PCDH11X: variants seen among roughly 807,000 people sequenced by gnomAD.
PCDH11X encodes protocadherin 11 X-linked.
Under a neutral mutation model 53.3 loss-of-function variants are expected in PCDH11X, and 18 were observed. The ratio of observed to expected loss-of-function variants is 0.34; its 90% CI spans 0.23 to 0.50. PCDH11X has a LOEUF of 0.50. PCDH11X is among the 20% of genes least tolerant of loss of function. The probability of loss-of-function intolerance (pLI) is 0.98; values close to 1 mark genes in which losing one functional copy is unlikely to be tolerated. For synonymous variants in PCDH11X, 279 were observed against 393.3 expected (o/e 0.71, Z 3.44); for missense variants, 570 against 1,032.4 (o/e 0.55, Z 6.14).
intron 7 of PCDH11X, among the ~76,000 whole-genome samples, chrX:92,253,444 A>G (rs2067499601): frequency 1.9e-5 from 2 of 105,242 alleles, no homozygotes; most frequent in Non-Finnish European, 3.8e-5. Flanking sequence ...TTCCATATAA[A>G]TTTTAGAATT....
At chrX:92,256,341 C>G (rs1393171856) in intron 7 of PCDH11X, among the ~76,000 whole-genome samples, 8 of 111,410 alleles carry the variant, frequency 7.2e-5, no homozygotes, top group East Asian at 2.9e-4. Context: ...CACCCACTGT[C>G]TGGCACTCCC....
At chrX:91,897,920 G>C (rs1015450587) in intron 6 of PCDH11X, among the ~76,000 whole-genome samples, 2 of 112,023 alleles carry the variant, frequency 1.8e-5, no homozygotes, top group African/African-American at 6.5e-5. Flanking sequence ...GCCAGGCATA[G>C]TGCTAGGCAC....
chrX:92,196,583 A>G (rs1195830037), intron 6 of PCDH11X, among the ~76,000 whole-genome samples: 1 of 111,388 alleles, frequency 9.0e-6, no homozygotes, highest in Admixed American at 9.7e-5. Context: ...CATTATTGTA[A>G]CAGTGGTAAA....
chrX:92,223,683 A>G (rs1233004233), intron 7 of PCDH11X, among the ~76,000 whole-genome samples: 2 of 111,953 alleles, frequency 1.8e-5, no homozygotes, highest in Non-Finnish European at 3.8e-5. Context: ...TCACCAAACT[A>G]TTTAATAGCT....
intron 4 of PCDH11X, among the ~76,000 whole-genome samples, chrX:91,823,383 G>T (rs1463836162): frequency 6.7e-4 from 74 of 111,068 alleles, no homozygotes; most frequent in Middle Eastern, 4.6e-3. Flanking sequence ...ATATATTTAG[G>T]ATAGTTAGCT....
At chrX:92,183,355 C>T (rs967999206) in intron 6 of PCDH11X, among the ~76,000 whole-genome samples, 6 of 100,861 alleles carry the variant, frequency 5.9e-5, no homozygotes, top group African/African-American at 2.2e-4. Context: ...CTCCCAGGTT[C>T]AAGTGATTCT....
At chrX:92,188,868 A>G (rs1266031684) in intron 6 of PCDH11X, among the ~76,000 whole-genome samples, 1 of 111,294 alleles carries the variant, frequency 9.0e-6, no homozygotes, top group Non-Finnish European at 1.9e-5. Context: ...CTTTGTGATA[A>G]TATGTGTCTT....
intron 10 of PCDH11X, among the ~76,000 whole-genome samples, chrX:92,595,090 T>C (rs1395898493): frequency 9.1e-6 from 1 of 110,345 alleles, no homozygotes; most frequent in African/African-American, 3.3e-5. Context: ...GAGACACTGG[T>C]TATTTTACCA....
At chrX:92,100,810 C>A (rs987154771) in intron 6 of PCDH11X, among the ~76,000 whole-genome samples, 1 of 110,374 alleles carries the variant, frequency 9.1e-6, no homozygotes, top group Non-Finnish European at 1.9e-5. Flanking sequence ...CTGCTTCAAG[C>A]GGGATCAGGG....
chrX:92,375,715 C>T (rs1358834484), intron 8 of PCDH11X, among the ~76,000 whole-genome samples: 2 of 109,032 alleles, frequency 1.8e-5, no homozygotes, highest in African/African-American at 6.7e-5. Flanking sequence ...ATCTCCGCCT[C>T]CTGGGTTCAA....
At chrX:91,868,582 T>G (rs1330166744) in intron 5 of PCDH11X, among the ~76,000 whole-genome samples, 1 of 111,702 alleles carries the variant, frequency 9.0e-6, no homozygotes, top group Admixed American at 9.5e-5. Context: ...TGATCTTAAA[T>G]TTTTAGCACT....
At chrX:91,843,263 A>ATGTGTG (rs3067347) in intron 5 of PCDH11X, among the ~76,000 whole-genome samples, 1,015 of 91,390 alleles carry the variant, frequency 0.011, 14 homozygotes, top group African/African-American at 0.038. Context: ...ATACATACTT[A>ATGTGTG]TGTGTGTGTG....
intron 6 of PCDH11X, among the ~76,000 whole-genome samples, chrX:92,058,428 A>G (rs2476068): frequency 0.29 from 31,370 of 109,013 alleles, 5,349 homozygotes; most frequent in African/African-American, 0.61. Flanking sequence ...ACAAAAAACC[A>G]ATTTTTGGAC....
rs186939798 is a variant in PCDH11X at position 92,493,312 on chromosome X, G to A, written c.3367+24990G>A. Among the ~76,000 whole-genome samples, 430 of 110,772 alleles carry A rather than the reference G, an allele frequency of 3.9e-3. 3 individuals carry two copies. Among genetic ancestry groups the A allele is most frequent in the African/African-American group, 0.014 (418 of 30,486 alleles). On this transcript the variant is annotated intron_variant, in intron 10 of 10. Transcript: ENST00000682573. ...AAGCCCTAGAGATCTGCTGTACATTGTGTCTATAGTCAACAATACCATATT... is the reference window on the plus strand; with the variant it reads ...AAGCCCTAGAGATCTGCTGTACATTATGTCTATAGTCAACAATACCATATT...
chrX:91,823,964 G>T (rs1233841359), intron 4 of PCDH11X, among the ~76,000 whole-genome samples: 1 of 110,376 alleles, frequency 9.1e-6, no homozygotes, highest in Non-Finnish European at 1.9e-5. Flanking sequence ...GAAATTCTGG[G>T]TTGAAAATTC....
chrX:92,604,183 G>A (rs1047250804), intron 10 of PCDH11X, among the ~76,000 whole-genome samples: 13 of 108,804 alleles, frequency 1.2e-4, no homozygotes, highest in Admixed American at 2.0e-4. Flanking sequence ...AAAATAGGAA[G>A]GTTAATAAAA....
intron 7 of PCDH11X, among the ~76,000 whole-genome samples, chrX:92,252,313 G>T (rs1301593630): frequency 9.1e-6 from 1 of 109,953 alleles, no homozygotes; most frequent in African/African-American, 3.3e-5. Context: ...TTGGAAGAAG[G>T]TATTCCACAT....
intron 8 of PCDH11X, among the ~76,000 whole-genome samples, chrX:92,268,797 A>G (rs1009382806): frequency 3.6e-5 from 4 of 112,034 alleles, no homozygotes; most frequent in African/African-American, 1.3e-4. Context: ...CATCTATGCT[A>G]GTGTCATGCT....
intron 9 of PCDH11X, among the ~76,000 whole-genome samples, chrX:92,466,883 G>A (rs932368341): frequency 2.8e-5 from 3 of 108,944 alleles, no homozygotes; most frequent in African/African-American, 3.3e-5. Flanking sequence ...AAAATGAAAA[G>A]CACGTACGTT....
Sources: gnomAD v4.1 joint callset for allele counts (sites outside exome capture counted in the v4.1 genomes callset) on GRCh38, gnomAD v4.1.1 for gene constraint, MANE v1.5 for transcripts, NCBI Gene and HGNC (gene_info 2026-07-23, HGNC 2026-07-21) for gene names.